MTSS2: variants seen among roughly 807,000 people sequenced by gnomAD.
MTSS2 encodes the protein MTSS I-BAR domain containing 2.
A neutral mutation model predicts 67.1 loss-of-function variants in MTSS2; 27 were observed. That is an observed-to-expected ratio of 0.40 (90% confidence interval 0.30 to 0.55). MTSS2 has a LOEUF of 0.55. Among genes scored for constraint, MTSS2 ranks in the 20% least tolerant of loss-of-function variants. The pLI is 0.43. For synonymous variants in MTSS2, 624 were observed against 468.6 expected (o/e 1.33, Z -4.28); for missense variants, 1,171 against 1,067.8 (o/e 1.10, Z -1.35).
chr16:70,674,212 CTCAACAGCTATAGTAG>C, intron 11 of MTSS2, 78 bp downstream of exon 11: 1 of 1,137,758 alleles, frequency 8.8e-7, no homozygotes, highest in Non-Finnish European at 1.3e-6. Flanking sequence ...CTATAGTAGT[CTCAACAGCTATAGTAG>C]TCCCGCATGT....
chr16:70,676,852 A>C (rs1567500440), intron 10 of MTSS2, 29 bp downstream of exon 10: 30 of 1,597,270 alleles, frequency 1.9e-5, no homozygotes, highest in Middle Eastern at 2.2e-4. Flanking sequence ...ACCGCCCCCC[A>C]CACCCCTGGG....
chr16:70,680,699 G>A (rs2053275090), intron 3 of MTSS2, 95 bp downstream of exon 3: 9 of 1,130,678 alleles, frequency 8.0e-6, no homozygotes, highest in African/African-American at 3.1e-5. Context: ...TGGGCTTGGC[G>A]TCCCGTCCTT....
intron 11 of MTSS2, among the ~76,000 whole-genome samples, chr16:70,668,734 C>T (rs1248268342): frequency 6.6e-6 from 1 of 152,172 alleles, no homozygotes; most frequent in Non-Finnish European, 1.5e-5. Context: ...TTTAAGGGAG[C>T]TAGTTTGCCC....
intron 11 of MTSS2, among the ~76,000 whole-genome samples, chr16:70,668,009 C>A (rs1597803710): frequency 6.8e-6 from 1 of 146,160 alleles, no homozygotes. Context: ...TAGGAACTGA[C>A]AAGCTGATCC....
At position 70,665,405 on chromosome 16, in the gene MTSS2, G is replaced by A. The variant is rs987471808; in HGVS notation, c.1128+61C>T. 2.2e-5 allele frequency: 32 copies of A among 1,483,196 alleles called. No individual in the cohort carries two copies. In the African/African-American group the frequency reaches 4.0e-4, roughly 19 times the overall value. The allele number at this position is 1,483,196 out of a possible 1,614,324, so 91.9% of individuals were successfully genotyped here. A position where few individuals can be genotyped will look rare whatever the true frequency, so the allele number is the denominator to read the frequency against. On this transcript the variant is annotated intron_variant, in intron 12 of 14. Coordinates refer to ENST00000338779, the MANE Select transcript of MTSS2 (RefSeq NM_138383.3). ...TTTGTGCAGTAATGGCACCAGGTGG[G>A]GAGGGCATGGATGGGAGGGGCAGCT... is the stretch of plus-strand genomic sequence containing the variant.
At position 70,661,443 on chromosome 16, in the gene MTSS2, AAAAG is replaced by A; in HGVS notation, c.*2230_*2233del. The A allele has an allele frequency of 2.7e-6, 1 of 375,964 alleles. No homozygotes were observed. The highest frequency in any genetic ancestry group is 5.2e-6 in the Non-Finnish European group (1 of 190,510). 23.3% of individuals were successfully genotyped at this position (375,964 alleles called of 1,614,324 possible). ...GCCTGGGGTGGGGGAATAAATTAAA[AAAAG>A]GAACGAGTTAACAACAGCACCAGGA... is the stretch of plus-strand genomic sequence containing the variant. On this transcript the variant is annotated 3_prime_UTR_variant, in exon 15 of 15. Transcript: ENST00000338779.
chr16:70,671,930 G>C (rs1289064414), intron 11 of MTSS2, among the ~76,000 whole-genome samples: 1 of 152,196 alleles, frequency 6.6e-6, no homozygotes. Context: ...CAGATTTAGA[G>C]GCATCCTACA....
At chr16:70,678,499 C>T (rs12934681) in intron 7 of MTSS2, 90 bp from the exon 8 acceptor site, 1 of 1,469,084 alleles carries the variant, frequency 6.8e-7, no homozygotes, top group East Asian at 2.4e-5. Flanking sequence ...GGTGGCATCT[C>T]TCGGCCGTTG....
At chr16:70,681,422 G>A (rs935635648) in intron 1 of MTSS2, among the ~76,000 whole-genome samples, 1 of 152,252 alleles carries the variant, frequency 6.6e-6, no homozygotes, top group Non-Finnish European at 1.5e-5. Flanking sequence ...CCGGACATGT[G>A]CCTAGGACAC....
rs2052539926 is a variant in MTSS2 at position 70,662,903 on chromosome 16, C to A, written c.*774G>T. The A allele has an allele frequency of 6.6e-6, 1 of 152,420 alleles. No homozygotes were observed. The highest frequency in any genetic ancestry group is 6.5e-5 in the Admixed American group (1 of 15,280). The allele number at this position is 152,420 out of a possible 1,614,324, so 9.4% of individuals were successfully genotyped here. A position where few individuals can be genotyped will look rare whatever the true frequency, so the allele number is the denominator to read the frequency against. The stretch of plus-strand genomic sequence containing the variant: ...GGTGCCTGTGTGGCTGGCCGGTGAC[C>A]CCAGGGCCTCCGGCCTCCTAACCCT... On this transcript the variant is annotated 3_prime_UTR_variant, in exon 15 of 15. Coordinates refer to ENST00000338779, the MANE Select transcript of MTSS2 (RefSeq NM_138383.3).
At position 70,673,208 on chromosome 16, in the gene MTSS2, C is replaced by A. The variant is rs535892470; in HGVS notation, c.1053+1098G>T. ...CAAAATGAAATAATGACTGAAAATT[C>A]CAAGGACAAATGAAAGACATGAATA... is the stretch of plus-strand genomic sequence containing the variant. On this transcript the variant is annotated intron_variant, in intron 11 of 14. Transcript: ENST00000338779. Among the ~76,000 whole-genome samples, 6 of 151,968 alleles carry A rather than the reference C, an allele frequency of 3.9e-5. No individual in the cohort carries two copies. The East Asian group carries it at 1.2e-3, about 29-fold the overall frequency.
chr16:70,679,600 C>T (rs1328586326), intron 6 of MTSS2, 30 bp downstream of exon 6: 2 of 1,574,374 alleles, frequency 1.3e-6, no homozygotes, highest in Non-Finnish European at 8.6e-7. Flanking sequence ...GGCCGTGGGG[C>T]TGTGGCTGGG....
In MTSS2 at chr16:70,665,240, AG is replaced by A. The variant is rs753962247; in HGVS notation, c.1129-145del. 2.0e-5 allele frequency: 21 copies of A among 1,040,050 alleles called. No homozygotes were observed. The African/African-American group carries it at 3.2e-4, about 16-fold the overall frequency. 64.4% of individuals were successfully genotyped at this position (1,040,050 alleles called of 1,614,324 possible). On this transcript the variant is annotated intron_variant, in intron 12 of 14. Transcript: ENST00000338779. ...AATCACAGCCAAGGGCAGAGCATGG[AG>A]TGTGACTGTGGCCCCTCAGTCCCAC...
chr16:70,680,674 C>G, intron 3 of MTSS2, 120 bp downstream of exon 3: 1 of 856,556 alleles, frequency 1.2e-6, no homozygotes, highest in Non-Finnish European at 1.9e-6. Flanking sequence ...CACTAAGGAG[C>G]AGAACTCAAG....
intron 2 of MTSS2, 46 bp downstream of exon 2, chr16:70,680,918 G>GGGGGGGGGGGGGGCCCCC: frequency 1.8e-6 from 2 of 1,097,854 alleles, no homozygotes; most frequent in Non-Finnish European, 2.7e-6. Context: ...CGGGGGGGGG[G>GGGGGGGGGGGGGGCCCCC]CCTCTGCCTG....
intron 11 of MTSS2, among the ~76,000 whole-genome samples, chr16:70,666,804 C>T (rs991465067): frequency 1.3e-5 from 2 of 152,196 alleles, no homozygotes; most frequent in Non-Finnish European, 2.9e-5. Context: ...TACAAAGACA[C>T]AAGCTGCTAG....
Position 70,664,174 on chromosome 16 carries a change from G to T in MTSS2, c.1747C>A (p.Pro583Thr). The T allele has an allele frequency of 6.2e-7, 1 of 1,604,860 alleles. No individual in the cohort carries two copies. The change falls in exon 15 of 15, where the codon CCC (proline) becomes ACC (threonine). Residue 583 changes from proline to threonine, a missense_variant. By Grantham distance (38) the Pro-to-Thr change is conservative. Around this residue, in one of 2 missense-constraint regions of MTSS2, gnomAD observed 924 missense variants for 756.0 expected, o/e 1.22. Coordinates refer to ENST00000338779, the MANE Select transcript of MTSS2 (RefSeq NM_138383.3). ...ACGATGGGCGGCCGGATGGGGATGG[G>T]GCCAGCGCTGGACAGGGCGCGGCGC... ...TVRRALSSAGPIPIRPPIVPV... is the reference protein window; with the variant it reads ...TVRRALSSAGTIPIRPPIVPV...
At chr16:70,674,251 G>A (rs541581193) in intron 11 of MTSS2, 55 bp downstream of exon 11, 8 of 1,540,808 alleles carry the variant, frequency 5.2e-6, no homozygotes, top group South Asian at 3.6e-5. Flanking sequence ...CTTGCCTGAT[G>A]CTGGCATAAG....
At chr16:70,671,646 A>T (rs1217131422) in intron 11 of MTSS2, among the ~76,000 whole-genome samples, 1 of 152,194 alleles carries the variant, frequency 6.6e-6, no homozygotes, top group Non-Finnish European at 1.5e-5. Context: ...TAGAGAGCAA[A>T]AGTACAAGGA....
Sources: allele counts gnomAD v4.1 joint callset (sites outside exome capture counted in the v4.1 genomes callset), GRCh38; gene constraint gnomAD v4.1.1; regional missense constraint gnomAD v4.1.1; transcripts MANE v1.5; gene names NCBI Gene and HGNC (gene_info 2026-07-23, HGNC 2026-07-21).